The following HOMER2 variants were observed in gnomAD, a reference collection of about 807,000 sequenced individuals.
HOMER2 encodes homer protein homolog 2.
HOMER2 carries 27 observed loss-of-function variants against 47.0 expected under a neutral mutation model. The ratio of observed to expected loss-of-function variants is 0.57; its 90% CI spans 0.42 to 0.79. HOMER2 has a LOEUF of 0.79. Among genes scored for constraint, HOMER2 ranks in the 30% least tolerant of loss-of-function variants. The pLI is 0.00. For missense variants in HOMER2, 443 were observed against 435.0 expected (o/e 1.02, Z -0.16); for synonymous variants, 161 against 163.8 (o/e 0.98, Z 0.13).
At chr15:82,891,489 T>C (rs550811169) in intron 2 of HOMER2, among the ~76,000 whole-genome samples, 1 of 152,158 alleles carries the variant, frequency 6.6e-6, no homozygotes, top group Non-Finnish European at 1.5e-5. Flanking sequence ...CCTGAAGAGA[T>C]CGGGAGGCAC....
At chr15:82,983,579 ATT>A (rs2030469832) in intron 1 of HOMER2, among the ~76,000 whole-genome samples, 1 of 150,720 alleles carries the variant, frequency 6.6e-6, no homozygotes, top group Non-Finnish European at 1.5e-5. Context: ...GCCTTTCCTG[ATT>A]TCTTTCTTTT....
intron 4 of HOMER2, among the ~76,000 whole-genome samples, chr15:82,863,465 C>A (rs776504652): frequency 4.5e-4 from 68 of 152,210 alleles, no homozygotes; most frequent in Admixed American, 9.2e-4. Flanking sequence ...CGACAGCACA[C>A]CTCAGCTGCC....
intron 1 of HOMER2, among the ~76,000 whole-genome samples, chr15:82,960,073 T>C (rs146850079): frequency 0.013 from 2,024 of 152,176 alleles, 54 homozygotes; most frequent in African/African-American, 0.047. Flanking sequence ...TTCAGATGGG[T>C]GAGGCTGGAA....
intron 1 of HOMER2, among the ~76,000 whole-genome samples, chr15:82,976,712 T>C (rs2030217935): frequency 7.2e-6 from 1 of 139,672 alleles, no homozygotes; most frequent in Admixed American, 7.4e-5. Flanking sequence ...AGAGTTTTGC[T>C]CTTGTTGCCC....
chr15:82,892,770 G>T lies in HOMER2; in HGVS notation c.77C>A (p.Pro26His), dbSNP rs115093120. The T allele has an allele frequency of 1.9e-6, 3 of 1,607,096 alleles. No individual in the cohort carries two copies. The highest frequency in any genetic ancestry group is 3.3e-5 in the Admixed American group (2 of 59,910). The change falls in exon 2 of 9, where the codon CCT becomes CAT. Residue 26 changes from proline (P) to histidine (H), a missense_variant. Physicochemically the swap from Pro to His is moderately conservative, Grantham distance 77 (BLOSUM62 -2). Transcript: ENST00000450735. ...IDPNTKKNWM[P>H]ASKQAVTVSY... ...AACGGTGACCGCCTGCTTGCTCGCA[G>T]GCATCCAGTTCTTCTTGGTGTTGGG...
In HOMER2 at chr15:82,859,111, C is replaced by T. The variant is rs771494593; in HGVS notation, c.412G>A (p.Asp138Asn). 1.1e-5 allele frequency: 17 copies of T among 1,613,870 alleles called. No individual in the cohort carries two copies. The highest frequency in any genetic ancestry group is 1.4e-5 in the Non-Finnish European group (16 of 1,179,890). The change falls in exon 5 of 9, where the codon GAT becomes AAT. Residue 138 changes from aspartate (D) to asparagine (N), a missense_variant. Coordinates refer to ENST00000450735, the MANE Select transcript of HOMER2 (RefSeq NM_004839.4). ...SQASSVNGTDDEKASHAGPAN... is the reference protein window; with the variant it reads ...SQASSVNGTDNEKASHAGPAN... ...GGACCGGCGTGAGAGGCCTTTTCAT[C>T]GTCCGTCCCGTTGACACTGGATGCC... is the stretch of plus-strand genomic sequence containing the variant.
At chr15:82,975,880 A>C (rs2151260469) in intron 1 of HOMER2, among the ~76,000 whole-genome samples, 1 of 152,364 alleles carries the variant, frequency 6.6e-6, no homozygotes, top group East Asian at 1.9e-4. Context: ...TGTAACACAA[A>C]GGATAAATGC....
At chr15:82,839,986 A>C (rs1320288896) in exon 2 of HOMER2, 1 of 152,200 alleles carries the variant, frequency 6.6e-6, no homozygotes, top group Non-Finnish European at 1.5e-5. Context: ...AATGCTAAAA[A>C]ACAACAACAA....
chr15:82,979,855 G>A (rs1567081432), intron 1 of HOMER2, among the ~76,000 whole-genome samples: 1 of 152,150 alleles, frequency 6.6e-6, no homozygotes, highest in Non-Finnish European at 1.5e-5. Flanking sequence ...TGGACATCCA[G>A]ATGGAAATTT....
At chr15:82,942,877 C>T (rs778859027) in intron 1 of HOMER2, among the ~76,000 whole-genome samples, 52 of 152,178 alleles carry the variant, frequency 3.4e-4, no homozygotes, top group Admixed American at 3.3e-4. Flanking sequence ...GGGTAAGCCT[C>T]GGATTGCCTG....
chr15:82,896,649 C>T (rs1416818360), intron 1 of HOMER2, among the ~76,000 whole-genome samples: 1 of 152,170 alleles, frequency 6.6e-6, no homozygotes, highest in African/African-American at 2.4e-5. Context: ...GAGGTAGTCA[C>T]CATGGCAGGA....
chr15:82,837,106 G>GT (rs2051135523), exon 2 of HOMER2: 1 of 152,420 alleles, frequency 6.6e-6, no homozygotes, highest in African/African-American at 2.4e-5. Flanking sequence ...GGTTGCCCCT[G>GT]TTCCTTGGCT....
chr15:82,876,604 C>T (rs2052357434), intron 2 of HOMER2, among the ~76,000 whole-genome samples: 2 of 152,162 alleles, frequency 1.3e-5, no homozygotes, highest in Admixed American at 1.3e-4. Context: ...GTAGCAATAA[C>T]CACTGGCTGC....
At chr15:82,904,409 G>C (rs535002052) in intron 1 of HOMER2, among the ~76,000 whole-genome samples, 1 of 152,300 alleles carries the variant, frequency 6.6e-6, no homozygotes, top group South Asian at 2.1e-4. Flanking sequence ...TCATAGGGGG[G>C]CCTGCCCACT....
At chr15:82,922,489 A>G (rs1408097479) in intron 1 of HOMER2, among the ~76,000 whole-genome samples, 3 of 152,240 alleles carry the variant, frequency 2.0e-5, no homozygotes, top group Non-Finnish European at 4.4e-5. Flanking sequence ...TTGAAGGAGC[A>G]CAAAAATAGT....
At chr15:82,838,233 G>T in exon 2 of HOMER2, 1 of 152,768 alleles carries the variant, frequency 6.5e-6, no homozygotes, top group African/African-American at 2.4e-5. Context: ...TCAGAGCAGC[G>T]GTAGAGTGAA....
At chr15:82,933,371 T>G (rs1203899005) in intron 1 of HOMER2, among the ~76,000 whole-genome samples, 1 of 151,876 alleles carries the variant, frequency 6.6e-6, no homozygotes, top group Non-Finnish European at 1.5e-5. Context: ...GGACTACAGG[T>G]GCATGCCACC....
chr15:82,932,173 A>G (rs1201247028), intron 1 of HOMER2, among the ~76,000 whole-genome samples: 1 of 152,210 alleles, frequency 6.6e-6, no homozygotes, highest in Non-Finnish European at 1.5e-5. Flanking sequence ...GCAAAGGCCT[A>G]TGCAGGAGAG....
intron 1 of HOMER2, among the ~76,000 whole-genome samples, chr15:82,928,940 T>TAAGAAAAAAAAAAAAAAAAAAA (rs2053925555): frequency 7.5e-5 from 3 of 39,942 alleles, no homozygotes; most frequent in Non-Finnish European, 1.2e-4. Flanking sequence ...AAATAAAAAC[T>TAAGAAAAAAAAAAAAAAAAAAA]AAAAAAAAAA....
Sources: allele counts gnomAD v4.1 joint callset (sites outside exome capture counted in the v4.1 genomes callset), GRCh38; gene constraint gnomAD v4.1.1; transcripts MANE v1.5; gene names NCBI Gene and HGNC (gene_info 2026-07-23, HGNC 2026-07-21).